COL27A1: variants seen among roughly 807,000 people sequenced by gnomAD.
COL27A1 encodes collagen type XXVII alpha 1 chain, also known as collagen alpha-1(XXVII) chain.
COL27A1 carries 106 observed loss-of-function variants against 251.3 expected under a neutral mutation model. The observed-to-expected ratio is 0.42, with a 90% CI of 0.36 to 0.50. The LOEUF is 0.50. Ranked by LOEUF, COL27A1 falls within the 20% of genes least tolerant of loss-of-function variation. The pLI is 0.00. For missense variants in COL27A1, 2,325 were observed against 2,522.8 expected, an observed-to-expected ratio of 0.92 and a Z score of 1.68; for synonymous variants, 1,000 against 986.3, an observed-to-expected ratio of 1.01 and a Z score of -0.26.
chr9:114,211,158 G>C (rs1588670048), intron 12 of COL27A1, 132 bp downstream of exon 12: 3 of 946,820 alleles, frequency 3.2e-6, no homozygotes, highest in Non-Finnish European at 3.3e-6. Context: ...GCCGCATGTG[G>C]GGTTGTCTGG....
intron 14 of COL27A1, among the ~76,000 whole-genome samples, chr9:114,230,778 T>C (rs980309787): frequency 2.0e-5 from 3 of 152,170 alleles, no homozygotes; most frequent in Admixed American, 6.5e-5. Context: ...TGAAAAGCCC[T>C]TTATCCCTGA....
chr9:114,310,651 G>T lies in COL27A1; in HGVS notation c.5539G>T (p.Gly1847Trp), dbSNP rs1342079378. ...GGACAACCTCCCTCCTGCCTCATCAGGGAAGCAGTACCGCCTGGAAGTTGG... is the reference window on the plus strand; with the variant it reads ...GGACAACCTCCCTCCTGCCTCATCATGGAAGCAGTACCGCCTGGAAGTTGG... ...SVDNLPPASSGKQYRLEVGPA... is the reference protein window; with the variant it reads ...SVDNLPPASSWKQYRLEVGPA... The change falls in exon 61 of 61, where the codon GGG (glycine) becomes TGG (tryptophan). Residue 1847 changes from glycine to tryptophan, a missense_variant. Gly to Trp is a radical substitution (Grantham distance 184). Around this residue, in one of 4 missense-constraint regions of COL27A1, gnomAD observed 327 missense variants for 442.8 expected, o/e 0.74. Coordinates refer to ENST00000356083, the MANE Select transcript of COL27A1 (RefSeq NM_032888.4). The T allele has an allele frequency of 1.2e-6, 2 of 1,614,174 alleles. No individual in the cohort carries two copies. The highest frequency in any genetic ancestry group is 2.2e-5 in the South Asian group (2 of 91,078).
chr9:114,225,390 C>A (rs1198077641), intron 14 of COL27A1, among the ~76,000 whole-genome samples: 1 of 152,154 alleles, frequency 6.6e-6, no homozygotes, highest in African/African-American at 2.4e-5. Flanking sequence ...CTTTTTTTGG[C>A]CACTTTCAGC....
intron 12 of COL27A1, among the ~76,000 whole-genome samples, chr9:114,213,170 G>A (rs541139318): frequency 2.0e-5 from 3 of 152,278 alleles, no homozygotes; most frequent in South Asian, 2.1e-4. Flanking sequence ...CTTGGGGTAC[G>A]GAGTCTCCTG....
intron 41 of COL27A1, among the ~76,000 whole-genome samples, chr9:114,287,608 G>A (rs938022299): frequency 5.3e-5 from 8 of 152,120 alleles, no homozygotes; most frequent in African/African-American, 1.9e-4. Context: ...CCCCTGCCAC[G>A]TGTGCAGCAG....
At chr9:114,210,900 G>A (rs1425935443) in intron 11 of COL27A1, 82 bp from the exon 12 acceptor site, 2 of 1,431,124 alleles carry the variant, frequency 1.4e-6, no homozygotes, top group Non-Finnish European at 2.0e-6. Flanking sequence ...CCTGCCGTGG[G>A]TGGCTCTGGG....
At chr9:114,220,640 G>GA (rs1304721099) in intron 13 of COL27A1, among the ~76,000 whole-genome samples, 1 of 152,130 alleles carries the variant, frequency 6.6e-6, no homozygotes, top group African/African-American at 2.4e-5. Flanking sequence ...TGTGAGCTTG[G>GA]AAAAATCCAT....
intron 2 of COL27A1, among the ~76,000 whole-genome samples, chr9:114,164,967 C>T (rs1179219564): frequency 6.6e-6 from 1 of 152,190 alleles, no homozygotes; most frequent in Admixed American, 6.5e-5. Flanking sequence ...CATTGTAACA[C>T]CTGTGCTATC....
rs370893949 is a variant in COL27A1 at position 114,300,669 on chromosome 9, G to A, written c.4683G>A (p.Arg1561=). 16 of 1,513,668 alleles carry A rather than the reference G, an allele frequency of 1.1e-5. No homozygotes were observed. The highest frequency in any genetic ancestry group is 2.4e-5 in the East Asian group (1 of 41,126). 93.8% of individuals were successfully genotyped at this position (1,513,668 alleles called of 1,614,324 possible). ...GCTTCAAAGGCATCCAGGGCCCTCG[G>A]GGGCCACCTGGCTTGATGGTGAGTT... ...DIGFKGIQGP[R]GPPGLMGKEG... The change falls in exon 51 of 61, where the codon CGG becomes CGA. Residue 1561 remains arginine (R), a synonymous_variant. Coordinates refer to ENST00000356083, the MANE Select transcript of COL27A1 (RefSeq NM_032888.4).
intron 14 of COL27A1, among the ~76,000 whole-genome samples, chr9:114,228,234 CACA>C (rs1353893901): frequency 2.0e-5 from 3 of 152,220 alleles, no homozygotes; most frequent in Non-Finnish European, 4.4e-5. Flanking sequence ...TTCAGTCCCA[CACA>C]ACAAGCCACT....
At chr9:114,308,702 T>C (rs1334812897) in intron 59 of COL27A1, among the ~76,000 whole-genome samples, 1 of 152,188 alleles carries the variant, frequency 6.6e-6, no homozygotes, top group Non-Finnish European at 1.5e-5. Context: ...GTTGGTGGCA[T>C]GAATGCCCAA....
At chr9:114,181,168 G>C (rs1212819345) in intron 4 of COL27A1, among the ~76,000 whole-genome samples, 3 of 152,196 alleles carry the variant, frequency 2.0e-5, no homozygotes, top group Non-Finnish European at 4.4e-5. Flanking sequence ...GAGAGACCGA[G>C]GCTGGGGATT....
rs751641724 is a variant in COL27A1 at position 114,245,887 on chromosome 9, C to G, written c.2956C>G (p.Arg986Gly). Residue 986 changes from arginine (R) to glycine (G), a missense_variant, in exon 24 of 61, where the codon CGG becomes GGG. This residue lies in a region of COL27A1 where 662 missense variants were observed against 795.3 expected (regional missense o/e 0.83). Coordinates refer to ENST00000356083, the MANE Select transcript of COL27A1 (RefSeq NM_032888.4). ...GVKGEPGDPGRPGPVGEQGFM... is the reference protein window; with the variant it reads ...GVKGEPGDPGGPGPVGEQGFM... ...GCAGGGGGAACCAGGGGATCCTGGT[C>G]GGCCGGGGCCTGTGGGAGAGCAGGT... 4 of 1,612,716 alleles carry G rather than the reference C, an allele frequency of 2.5e-6. No homozygotes were observed. The South Asian group carries it at 4.4e-5, about 18-fold the overall frequency.
chr9:114,302,482 T>C (rs1477157590), intron 56 of COL27A1, among the ~76,000 whole-genome samples: 3 of 151,980 alleles, frequency 2.0e-5, no homozygotes, highest in Non-Finnish European at 4.4e-5. Flanking sequence ...ATCCCAGCAC[T>C]TTGGGAGTTC....
chr9:114,221,999 C>T (rs953361183), intron 13 of COL27A1, among the ~76,000 whole-genome samples: 7 of 152,216 alleles, frequency 4.6e-5, no homozygotes, highest in African/African-American at 1.7e-4. Flanking sequence ...TTTGGAAGTC[C>T]GACCTCCCCA....
chr9:114,168,358 G>A lies in COL27A1; in HGVS notation c.803G>A (p.Gly268Asp). The A allele has an allele frequency of 6.2e-7, 1 of 1,613,214 alleles. No individual in the cohort carries two copies. The highest frequency in any genetic ancestry group is 8.5e-7 in the Non-Finnish European group (1 of 1,179,950). Residue 268 changes from glycine (G) to aspartate (D), a missense_variant, in exon 3 of 61, where the codon GGC becomes GAC. Physicochemically the swap from Gly to Asp is moderately conservative, Grantham distance 94. Around this residue, in one of 4 missense-constraint regions of COL27A1, gnomAD observed 1,183 missense variants for 1,144.1 expected, o/e 1.03. Transcript: ENST00000356083. ...FTFQSDLALL[G>D]LENLTTATPA... Reference sequence around the variant, plus strand: ...TTCCAGTCCGACCTCGCCCTGCTAGGCCTGGAGAACTTGACCACTGCCACA... The same window carrying A: ...TTCCAGTCCGACCTCGCCCTGCTAGACCTGGAGAACTTGACCACTGCCACA...
At chr9:114,287,751 C>T (rs767716515) in intron 41 of COL27A1, among the ~76,000 whole-genome samples, 4 of 152,142 alleles carry the variant, frequency 2.6e-5, no homozygotes, top group Non-Finnish European at 5.9e-5. Context: ...CCAAGTGCCA[C>T]CTGGGGCTAC....
At chr9:114,179,849 T>C (rs960258811) in intron 4 of COL27A1, among the ~76,000 whole-genome samples, 4 of 115,952 alleles carry the variant, frequency 3.4e-5, no homozygotes, top group African/African-American at 1.4e-4. Flanking sequence ...TTTTTTTTTT[T>C]TTTTTTTTTG....
rs778661695 is a variant in COL27A1, at chr9:114,306,553, C to T, written c.4972C>T (p.Gln1658Ter). ...YSYPDRLVLD[Q>*]GGEIFKTLHY... ...CTATCCAGACCGGCTGGTGCTGGAC[C>T]AGGGAGGAGAGATCTTTAAAACCTT... is the stretch of plus-strand genomic sequence containing the variant. The change falls in exon 58 of 61, where the codon CAG becomes TAG. Residue 1658 changes from glutamine to a stop codon, truncating the protein, a stop_gained. Coordinates refer to ENST00000356083, the MANE Select transcript of COL27A1 (RefSeq NM_032888.4). LOFTEE classifies it high-confidence loss of function. The T allele has an allele frequency of 6.2e-7, 1 of 1,613,994 alleles. No homozygotes were observed. Among genetic ancestry groups the T allele is most frequent in the Non-Finnish European group, 8.5e-7 (1 of 1,180,022 alleles).
Sources: gnomAD v4.1 joint callset for allele counts (sites outside exome capture counted in the v4.1 genomes callset) on GRCh38, gnomAD v4.1.1 for gene constraint, gnomAD v4.1.1 regional missense constraint, MANE v1.5 for transcripts, NCBI Gene and HGNC (gene_info 2026-07-23, HGNC 2026-07-21) for gene names.